AFG2A: variants seen among roughly 807,000 people sequenced by gnomAD.
AFG2A encodes ATPase family gene 2 protein homolog A.
At chr4:123,247,880 T>G in the AFG2A span, among the ~76,000 whole-genome samples, 2 of 152,062 alleles carry the variant, frequency 1.3e-5, no homozygotes, top group African/African-American at 4.8e-5. Context: ...TAATTTGACT[T>G]ACCTCATCCT....
chr4:123,006,212 G>C, the AFG2A span, among the ~76,000 whole-genome samples: 2 of 151,440 alleles, frequency 1.3e-5, no homozygotes, highest in Non-Finnish European at 2.9e-5. Context: ...GTTCTTTAAT[G>C]GTTTTGCTCC....
the AFG2A span, among the ~76,000 whole-genome samples, chr4:123,261,526 C>T: frequency 2.0e-5 from 3 of 152,034 alleles, no homozygotes; most frequent in African/African-American, 7.2e-5. Context: ...AGAGGATGTG[C>T]ACAGGTTATA....
the AFG2A span, among the ~76,000 whole-genome samples, chr4:123,133,294 T>G: frequency 6.6e-6 from 1 of 152,198 alleles, no homozygotes; most frequent in Non-Finnish European, 1.5e-5. Flanking sequence ...ATGACAACAT[T>G]GGTTACGGGG....
At chr4:123,018,469 A>C in the AFG2A span, among the ~76,000 whole-genome samples, 1 of 152,158 alleles carries the variant, frequency 6.6e-6, no homozygotes, top group African/African-American at 2.4e-5. Flanking sequence ...GAAAGATGAG[A>C]GGTGTTGAAA....
the AFG2A span, among the ~76,000 whole-genome samples, chr4:123,036,254 T>C: frequency 2.6e-5 from 4 of 152,098 alleles, no homozygotes; most frequent in Non-Finnish European, 5.9e-5. Flanking sequence ...AATCTGCAGC[T>C]CTTGGTTGTT....
the AFG2A span, among the ~76,000 whole-genome samples, chr4:123,077,919 A>G: frequency 3.8e-3 from 574 of 152,354 alleles, 5 homozygotes; most frequent in African/African-American, 0.013. Context: ...TGCCTTGCTC[A>G]TAAGACTGAA....
chr4:123,299,983 G>A, the AFG2A span, among the ~76,000 whole-genome samples: 1 of 152,028 alleles, frequency 6.6e-6, no homozygotes, highest in South Asian at 2.1e-4. Context: ...ACAACTCTTT[G>A]CATATCTGTG....
At chr4:123,093,328 A>C in the AFG2A span, among the ~76,000 whole-genome samples, 399 of 152,306 alleles carry the variant, frequency 2.6e-3, no homozygotes, top group African/African-American at 8.9e-3. Context: ...ATGCAAATTA[A>C]AGGGTGAGTT....
the AFG2A span, among the ~76,000 whole-genome samples, chr4:123,258,994 G>A: frequency 6.6e-6 from 1 of 150,992 alleles, no homozygotes; most frequent in Non-Finnish European, 1.5e-5. Context: ...AGCCTCCCAA[G>A]TCGCTGGGAT....
At chr4:123,298,148 G>A in the AFG2A span, among the ~76,000 whole-genome samples, 1 of 151,978 alleles carries the variant, frequency 6.6e-6, no homozygotes, top group South Asian at 2.1e-4. Flanking sequence ...TTGGTGCATA[G>A]GAAGTGACCT....
At chr4:123,192,799 A>AT in the AFG2A span, among the ~76,000 whole-genome samples, 1 of 152,242 alleles carries the variant, frequency 6.6e-6, no homozygotes, top group South Asian at 2.1e-4. Context: ...CAGGCAGTAT[A>AT]TTTTTCTTCC....
At chr4:123,289,798 T>TA in the AFG2A span, among the ~76,000 whole-genome samples, 6 of 151,984 alleles carry the variant, frequency 3.9e-5, no homozygotes, top group African/African-American at 7.2e-5. Flanking sequence ...AGCATTTTTT[T>TA]ATACGGTTGT....
the AFG2A span, among the ~76,000 whole-genome samples, chr4:122,998,246 C>T: frequency 0.012 from 1,833 of 152,144 alleles, 41 homozygotes; most frequent in African/African-American, 0.041. Flanking sequence ...AAGGTTTACT[C>T]TGTTTTTTCT....
the AFG2A span, among the ~76,000 whole-genome samples, chr4:122,943,995 C>T: frequency 5.7e-4 from 86 of 152,094 alleles, no homozygotes; most frequent in Admixed American, 5.9e-4. Flanking sequence ...GAGTTTCTGC[C>T]GAGAGATCCG....
At chr4:123,190,595 T>C in the AFG2A span, among the ~76,000 whole-genome samples, 2 of 152,160 alleles carry the variant, frequency 1.3e-5, no homozygotes, top group African/African-American at 2.4e-5. Context: ...TGAAAGGACT[T>C]CCTCTAATAG....
chr4:123,122,990 A>G, the AFG2A span, among the ~76,000 whole-genome samples: 1 of 152,108 alleles, frequency 6.6e-6, no homozygotes, highest in African/African-American at 2.4e-5. Context: ...AGCTTTTGTC[A>G]GAGGAACTTT....
the AFG2A span, among the ~76,000 whole-genome samples, chr4:122,995,279 T>C: frequency 6.6e-6 from 1 of 152,276 alleles, no homozygotes; most frequent in African/African-American, 2.4e-5. Context: ...TAATTCCATA[T>C]TGGTTCTTGG....
chr4:122,978,698 G>A, the AFG2A span, among the ~76,000 whole-genome samples: 7 of 152,158 alleles, frequency 4.6e-5, no homozygotes, highest in Non-Finnish European at 7.3e-5. Flanking sequence ...GCAGGACTGC[G>A]CCAAGCCACC....
the AFG2A span, among the ~76,000 whole-genome samples, chr4:123,122,077 C>T: frequency 1.3e-5 from 2 of 152,138 alleles, no homozygotes; most frequent in African/African-American, 4.8e-5. Context: ...GTTTTGCTGC[C>T]TCACCGATTT....
Sources: gnomAD v4.1 joint callset for allele counts (sites outside exome capture counted in the v4.1 genomes callset) on GRCh38, gnomAD v4.1.1 for gene constraint, MANE v1.5 for transcripts, NCBI Gene and HGNC (gene_info 2026-07-23, HGNC 2026-07-21) for gene names.